RAPGEF2: variants seen among roughly 807,000 people sequenced by gnomAD.
RAPGEF2 encodes Rap guanine nucleotide exchange factor 2.
Under a neutral mutation model 186.7 loss-of-function variants are expected in RAPGEF2, and 54 were observed. The ratio of observed to expected loss-of-function variants is 0.29; its 90% CI spans 0.23 to 0.36. The LOEUF (loss-of-function observed/expected upper bound fraction) is 0.36, where lower values mean the gene tolerates loss of function less well. Among genes scored for constraint, RAPGEF2 ranks in the 10% least tolerant of loss-of-function variants. RAPGEF2 has a pLI of 1.00. For synonymous variants in RAPGEF2, 712 were observed against 705.9 expected (o/e 1.01, Z -0.14); for missense variants, 1,532 against 2,045.0 (o/e 0.75, Z 4.84).
At chr4:159,275,059 G>A (rs963175813) in intron 7 of RAPGEF2, among the ~76,000 whole-genome samples, 3 of 69,210 alleles carry the variant, frequency 4.3e-5, no homozygotes, top group Admixed American at 1.5e-4. Context: ...TCTCTCGTGT[G>A]TGTGTGTGTG....
chr4:159,134,809 A>G (rs1741534360), intron 1 of RAPGEF2, among the ~76,000 whole-genome samples: 1 of 152,214 alleles, frequency 6.6e-6, no homozygotes, highest in Non-Finnish European at 1.5e-5. Context: ...CCATCACCAG[A>G]GTCAACTTTA....
chr4:159,285,128 T>C (rs1760289487), intron 7 of RAPGEF2, among the ~76,000 whole-genome samples: 1 of 152,166 alleles, frequency 6.6e-6, no homozygotes, highest in African/African-American at 2.4e-5. Context: ...CAGTTTTCCA[T>C]AGTTGGTAGA....
At chr4:159,173,738 T>G (rs1180536101) in intron 1 of RAPGEF2, among the ~76,000 whole-genome samples, 1 of 152,192 alleles carries the variant, frequency 6.6e-6, no homozygotes, top group Non-Finnish European at 1.5e-5. Flanking sequence ...CTGTTCTCTG[T>G]GTGTATACGC....
At chr4:159,186,862 A>G (rs1339646921) in intron 2 of RAPGEF2, 150 bp downstream of exon 2, 2 of 518,534 alleles carry the variant, frequency 3.9e-6, no homozygotes. Context: ...ATACATGTAT[A>G]CAATGTATTG....
At chr4:159,158,939 ATAAGGGCTAGCGTT>A (rs539907093) in intron 1 of RAPGEF2, among the ~76,000 whole-genome samples, 24 of 152,304 alleles carry the variant, frequency 1.6e-4, no homozygotes, top group African/African-American at 5.3e-4. Context: ...CCGTAGCTGT[ATAAGGGCTAGCGTT>A]TAAGTGTTTT....
At chr4:159,257,533 G>A (rs1292261818) in intron 7 of RAPGEF2, among the ~76,000 whole-genome samples, 3 of 152,166 alleles carry the variant, frequency 2.0e-5, no homozygotes, top group Non-Finnish European at 4.4e-5. Context: ...GCTGTAAAAT[G>A]AGATTTGGTT....
Position 159,339,145 on chromosome 4 carries a change from G to C in RAPGEF2, c.2325G>C (p.Lys775Asn). ...DLPDQVLRVF[K>N]ADQQSRYIMI... ...CAGATCAAGTGCTAAGGGTTTTTAAGGCTGATCAGCAAAGCCGCTACATCA... is the reference window on the plus strand; with the variant it reads ...CAGATCAAGTGCTAAGGGTTTTTAACGCTGATCAGCAAAGCCGCTACATCA... Residue 775 changes from lysine (K) to asparagine (N), a missense_variant, in exon 19 of 30, where the codon AAG becomes AAC. By Grantham distance (94) the Lys-to-Asn change is moderately conservative. Transcript: ENST00000691494. The C allele has an allele frequency of 6.2e-7, 1 of 1,613,986 alleles. No individual in the cohort carries two copies. The highest frequency in any genetic ancestry group is 8.5e-7 in the Non-Finnish European group (1 of 1,179,948).
chr4:159,327,105 A>G (rs1337394939), intron 11 of RAPGEF2: 1 of 152,252 alleles, frequency 6.6e-6, no homozygotes, highest in Non-Finnish European at 1.5e-5. Context: ...CTGTGGATAA[A>G]TTGAAAATTG....
chr4:159,282,114 G>A (rs955683402), intron 7 of RAPGEF2, among the ~76,000 whole-genome samples: 5 of 152,118 alleles, frequency 3.3e-5, no homozygotes, highest in Admixed American at 6.6e-5. Context: ...CCTGACACAC[G>A]GTGGCATCCA....
intron 7 of RAPGEF2, among the ~76,000 whole-genome samples, chr4:159,295,720 A>AGTGTGTGTGTGTGT (rs71589223): frequency 3.0e-5 from 4 of 134,722 alleles, no homozygotes; most frequent in Non-Finnish European, 4.8e-5. Flanking sequence ...AGAGTGTGTG[A>AGTGTGTGTGTGTGT]GTGTGTGTGT....
intron 1 of RAPGEF2, among the ~76,000 whole-genome samples, chr4:159,154,803 C>T (rs1254609289): frequency 1.3e-5 from 2 of 152,096 alleles, no homozygotes; most frequent in Non-Finnish European, 1.5e-5. Flanking sequence ...GATCCCTTCC[C>T]GTGTTACTAT....
intron 4 of RAPGEF2, among the ~76,000 whole-genome samples, chr4:159,213,568 GAT>G (rs1267735186): frequency 2.0e-5 from 3 of 152,298 alleles, no homozygotes; most frequent in East Asian, 3.9e-4. Context: ...TGAAAAGGAT[GAT>G]ATATATGGCA....
intron 1 of RAPGEF2, among the ~76,000 whole-genome samples, chr4:159,132,476 C>T (rs1329860628): frequency 1.3e-5 from 2 of 152,072 alleles, no homozygotes; most frequent in African/African-American, 4.8e-5. Context: ...TCTCTTTGGT[C>T]CTTACAAGAC....
In RAPGEF2 at chr4:159,338,160, T is replaced by A. The variant is rs1045425616; in HGVS notation, c.2136-151T>A. On this transcript the variant is annotated intron_variant, in intron 17 of 29. Coordinates refer to ENST00000691494, the MANE Select transcript of RAPGEF2 (RefSeq NM_001394067.2). ...TTGGATACACTTAAGCAGTAGTTGC[T>A]TTTGCAGTTTTCAACCAAATTTATT... 1.1e-5 allele frequency: 7 copies of A among 610,772 alleles called. No individual in the cohort carries two copies. In the African/African-American group the frequency reaches 1.3e-4, roughly 11 times the overall value. 37.8% of individuals were successfully genotyped at this position (610,772 alleles called of 1,614,324 possible).
At chr4:159,325,690 A>G (rs1284027441) in intron 11 of RAPGEF2, among the ~76,000 whole-genome samples, 1 of 152,168 alleles carries the variant, frequency 6.6e-6, no homozygotes, top group African/African-American at 2.4e-5. Flanking sequence ...TGAGACTGAA[A>G]TGATATGCGG....
chr4:159,253,987 A>G (rs1755817693), intron 7 of RAPGEF2, among the ~76,000 whole-genome samples: 1 of 152,230 alleles, frequency 6.6e-6, no homozygotes, highest in Non-Finnish European at 1.5e-5. Flanking sequence ...GTGCCAGTTC[A>G]CTTACGACTG....
chr4:159,109,726 G>A (rs1738286297), intron 1 of RAPGEF2, among the ~76,000 whole-genome samples: 1 of 152,192 alleles, frequency 6.6e-6, no homozygotes, highest in African/African-American at 2.4e-5. Flanking sequence ...TATGTATTGA[G>A]TTGTAGGGGA....
At chr4:159,231,422 A>G (rs142374098) in intron 4 of RAPGEF2, among the ~76,000 whole-genome samples, 199 of 152,206 alleles carry the variant, frequency 1.3e-3, no homozygotes, top group Middle Eastern at 0.01. Flanking sequence ...TATTCTCACA[A>G]ATACATTATA....
In RAPGEF2 at chr4:159,197,739, A is replaced by G. The variant is rs185725476; in HGVS notation, c.197+4483A>G. ...TTGGCTTTCTGTTTTCACAGCAGCT[A>G]TTCCCACTGCTCTGTGAGGCTGCTC... On this transcript the variant is annotated intron_variant, in intron 3 of 29. Transcript: ENST00000691494. 4.1e-4 allele frequency among the ~76,000 whole-genome samples: 62 copies of G among 152,316 alleles called. No homozygotes were observed. In the East Asian group the frequency reaches 8.3e-3, roughly 20 times the overall value.
Sources: gnomAD v4.1 joint callset for allele counts (sites outside exome capture counted in the v4.1 genomes callset) on GRCh38, gnomAD v4.1.1 for gene constraint, MANE v1.5 for transcripts, NCBI Gene and HGNC (gene_info 2026-07-23, HGNC 2026-07-21) for gene names.